MGAT5: variants seen among roughly 807,000 people sequenced by gnomAD.
MGAT5 encodes the protein alpha-1,6-mannosylglycoprotein 6-beta-N-acetylglucosaminyltransferase A.
Under a neutral mutation model 94.3 loss-of-function variants are expected in MGAT5, and 30 were observed. The observed-to-expected ratio is 0.32, with a 90% CI of 0.24 to 0.43. MGAT5 has a LOEUF of 0.43. MGAT5 is among the 20% of genes least tolerant of loss of function. The probability of loss-of-function intolerance (pLI) is 1.00; values close to 1 mark genes in which losing one functional copy is unlikely to be tolerated. For synonymous variants in MGAT5, 310 were observed against 322.9 expected (o/e 0.96, Z 0.43); for missense variants, 691 against 905.5 (o/e 0.76, Z 3.04).
intron 4 of MGAT5, among the ~76,000 whole-genome samples, chr2:134,324,368 C>T (rs753688416): frequency 1.3e-5 from 2 of 151,720 alleles, no homozygotes; most frequent in African/African-American, 2.4e-5. Flanking sequence ...TCATGCCTTA[C>T]TTGTCAATCT....
chr2:134,347,852 A>T (rs1689013146), intron 8 of MGAT5, among the ~76,000 whole-genome samples: 1 of 152,200 alleles, frequency 6.6e-6, no homozygotes, highest in Admixed American at 6.5e-5. Context: ...CCAAGGCTCC[A>T]CATGACCACA....
At chr2:134,331,403 A>G (rs1687964541) in intron 4 of MGAT5, among the ~76,000 whole-genome samples, 1 of 152,078 alleles carries the variant, frequency 6.6e-6, no homozygotes, top group African/African-American at 2.4e-5. Flanking sequence ...AGTTCATGTC[A>G]GAGTTTGCTT....
intron 1 of MGAT5, among the ~76,000 whole-genome samples, chr2:134,130,021 C>A (rs927489351): frequency 6.6e-6 from 1 of 152,168 alleles, no homozygotes; most frequent in African/African-American, 2.4e-5. Context: ...TCCGCGGGCC[C>A]CGCACTCGGA....
At chr2:134,145,210 C>CTGTGTGTGTGTG (rs1413599821) in intron 1 of MGAT5, among the ~76,000 whole-genome samples, 1 of 95,956 alleles carries the variant, frequency 1.0e-5, no homozygotes, top group African/African-American at 6.4e-5. Flanking sequence ...GTGTGTCTCT[C>CTGTGTGTGTGTG]TCTCTGTGTG....
chr2:134,385,685 G>C (rs899658723), intron 10 of MGAT5, among the ~76,000 whole-genome samples: 1 of 152,150 alleles, frequency 6.6e-6, no homozygotes, highest in Non-Finnish European at 1.5e-5. Flanking sequence ...CACACGTAAG[G>C]TTGGATATTT....
At chr2:134,184,030 T>A (rs1254764489) in intron 1 of MGAT5, among the ~76,000 whole-genome samples, 1 of 152,244 alleles carries the variant, frequency 6.6e-6, no homozygotes. Flanking sequence ...TCTTTTTTAA[T>A]TCTCCCCTTC....
intron 1 of MGAT5, among the ~76,000 whole-genome samples, chr2:134,128,571 T>A (rs1685968825): frequency 6.6e-6 from 1 of 152,178 alleles, no homozygotes; most frequent in South Asian, 2.1e-4. Context: ...AGTTCTTTTT[T>A]TTTTAGAGAC....
intron 1 of MGAT5, among the ~76,000 whole-genome samples, chr2:134,227,915 G>C (rs1235649107): frequency 1.3e-5 from 2 of 152,156 alleles, no homozygotes; most frequent in Non-Finnish European, 2.9e-5. Flanking sequence ...CTGGTTGGCA[G>C]GCTTTTCACT....
At position 134,254,183 on chromosome 2, in the gene MGAT5, T is replaced by C; in HGVS notation, c.-221T>C. 1 of 596,210 alleles carries C rather than the reference T, an allele frequency of 1.7e-6. No individual in the cohort carries two copies. The highest frequency in any genetic ancestry group is 3.0e-6 in the Non-Finnish European group (1 of 336,752). The allele number at this position is 596,210 out of a possible 1,614,324, so 36.9% of individuals were successfully genotyped here. On this transcript the variant is annotated 5_prime_UTR_variant, in exon 1 of 16. Coordinates refer to ENST00000281923, the MANE Select transcript of MGAT5 (RefSeq NM_002410.5). ...GAGTTGACATTTTACTTAGAGGTAT[T>C]CAAGTGAAAACATGGCTTCTGGTTT...
In MGAT5 at chr2:134,395,486, C is replaced by T. The variant is rs547491546; in HGVS notation, c.1381-7502C>T. Among the ~76,000 whole-genome samples the T allele has an allele frequency of 2.3e-4, 35 of 152,332 alleles. 2 individuals carry two copies. The South Asian group carries it at 7.3e-3, about 32-fold the overall frequency. The stretch of plus-strand genomic sequence containing the variant: ...TGTGAAGATGCTAGCCAGCTCAGGA[C>T]TCTCATGTCTAGCTTGTCCCGTTTT... On this transcript the variant is annotated intron_variant, in intron 10 of 15. Transcript: ENST00000281923.
At chr2:134,399,951 T>G (rs1682940582) in intron 10 of MGAT5, among the ~76,000 whole-genome samples, 1 of 152,182 alleles carries the variant, frequency 6.6e-6, no homozygotes, top group South Asian at 2.1e-4. Context: ...TTAAAAATCC[T>G]GAATATCCTG....
At chr2:134,148,305 C>T (rs536462943) in intron 1 of MGAT5, among the ~76,000 whole-genome samples, 1 of 152,272 alleles carries the variant, frequency 6.6e-6, no homozygotes, top group Non-Finnish European at 1.5e-5. Flanking sequence ...TTGGAATCAC[C>T]TGGGGGAGTT....
intron 1 of MGAT5, among the ~76,000 whole-genome samples, chr2:134,133,224 A>C (rs889911498): frequency 6.6e-6 from 1 of 152,248 alleles, no homozygotes; most frequent in African/African-American, 2.4e-5. Context: ...TAAAATTTAG[A>C]GACATTAAAT....
chr2:134,287,069 GTCTT>G (rs1220938106), intron 2 of MGAT5, among the ~76,000 whole-genome samples: 2 of 152,176 alleles, frequency 1.3e-5, no homozygotes, highest in Non-Finnish European at 2.9e-5. Context: ...TCTCCCTACA[GTCTT>G]TCTTCTAGAA....
intron 12 of MGAT5, among the ~76,000 whole-genome samples, chr2:134,416,184 C>T (rs1683949306): frequency 1.3e-5 from 2 of 152,168 alleles, no homozygotes; most frequent in Admixed American, 1.3e-4. Flanking sequence ...AATTCACTGG[C>T]ATTAAGTATA....
chr2:134,378,327 G>C (rs1055113012), intron 10 of MGAT5, among the ~76,000 whole-genome samples: 3 of 152,210 alleles, frequency 2.0e-5, no homozygotes, highest in African/African-American at 7.2e-5. Flanking sequence ...GGGAGGCAGA[G>C]CCCATAGCAG....
intron 1 of MGAT5, among the ~76,000 whole-genome samples, chr2:134,255,225 T>C (rs1271462399): frequency 2.0e-5 from 3 of 152,198 alleles, no homozygotes; most frequent in African/African-American, 7.2e-5. Context: ...TTTGTGTACT[T>C]GTTGCTTTTT....
Position 134,220,970 on chromosome 2 carries a change from A to C in MGAT5, c.-142-33292A>C, listed in dbSNP as rs1305577280. ...GCTAATTTTCCCCCATTTACTTTTT[A>C]ATTAGTTTTCTTCTCCTGCTTCTCC... On this transcript the variant is annotated intron_variant, in intron 1 of 16. Transcript: ENST00000409645. Among the ~76,000 whole-genome samples, 3 of 152,114 alleles carry C rather than the reference A, an allele frequency of 2.0e-5. No individual in the cohort carries two copies. The Middle Eastern group carries it at 0.01, about 517-fold the overall frequency.
At chr2:134,307,364 T>A (rs1686389135) in intron 2 of MGAT5, among the ~76,000 whole-genome samples, 1 of 148,686 alleles carries the variant, frequency 6.7e-6, no homozygotes. Flanking sequence ...GTAATATCTT[T>A]TAAATTACAC....
Sources: allele counts gnomAD v4.1 joint callset (sites outside exome capture counted in the v4.1 genomes callset), GRCh38; gene constraint gnomAD v4.1.1; transcripts MANE v1.5; gene names NCBI Gene and HGNC (gene_info 2026-07-23, HGNC 2026-07-21).